Variants in VPS39 observed in about 807,000 individuals in gnomAD.
VPS39 encodes vam6/Vps39-like protein.
In VPS39, 70 loss-of-function variants were observed where a neutral mutation model predicts 121.0. The observed-to-expected ratio is 0.58, with a 90% CI of 0.48 to 0.71. The LOEUF (loss-of-function observed/expected upper bound fraction) is 0.71, where lower values mean the gene tolerates loss of function less well. Ranked by LOEUF, VPS39 falls within the 30% of genes least tolerant of loss-of-function variation. VPS39 has a pLI of 0.00. For synonymous variants in VPS39, 378 were observed against 398.1 expected (o/e 0.95, Z 0.60); for missense variants, 818 against 1,051.5 (o/e 0.78, Z 3.07).
At chr15:42,166,389 C>A (rs2049242850) in intron 15 of VPS39, among the ~76,000 whole-genome samples, 157 bp from the exon 16 acceptor site, 2 of 152,210 alleles carry the variant, frequency 1.3e-5, no homozygotes, top group Non-Finnish European at 2.9e-5. Flanking sequence ...TGGCTCCATA[C>A]CAGGGGGCTG....
In VPS39 at chr15:42,189,819, T is replaced by TC. The variant is rs1555400899; in HGVS notation, c.248-612_248-611insG. ...CTTTTTTTTTTTTTTTTTTTTTTTT[T>TC]TGAGGCACGGTCTCACTCTGTTGCC... On this transcript the variant is annotated intron_variant, in intron 4 of 24. Coordinates refer to ENST00000318006, the MANE Select transcript of VPS39 (RefSeq NM_015289.5). Among the ~76,000 whole-genome samples, 110 of 82,796 alleles carry TC rather than the reference T, an allele frequency of 1.3e-3. 4 individuals carry two copies. The highest frequency in any genetic ancestry group is 3.9e-3 in the African/African-American group (97 of 24,866). 54.3% of individuals were successfully genotyped at this position (82,796 alleles called of 152,430 possible).
In VPS39 at chr15:42,178,579, G is replaced by A. The variant is rs761669317; in HGVS notation, c.719-9C>T. On this transcript the variant is annotated splice_polypyrimidine_tract_variant and intron_variant, in intron 8 of 24. Coordinates refer to ENST00000318006, the MANE Select transcript of VPS39 (RefSeq NM_015289.5). ...GTAGGGAGGCTGGTGCTCTGTGAAAGAGAACATACACAGCAGTTGTTCCGG... is the reference window on the plus strand; with the variant it reads ...GTAGGGAGGCTGGTGCTCTGTGAAAAAGAACATACACAGCAGTTGTTCCGG... The A allele has an allele frequency of 6.2e-7, 1 of 1,614,072 alleles. No individual in the cohort carries two copies. Among genetic ancestry groups the A allele is most frequent in the Admixed American group, 1.7e-5 (1 of 60,028 alleles).
Position 42,208,216 on chromosome 15 carries a change from C to G in VPS39, c.-63G>C, listed in dbSNP as rs1261538929. ...GAGTGTTCCGGGCCGGGCTGGGGTCCGGAACGAGTCTGGGCTAAGGGTAGA... is the reference window on the plus strand; with the variant it reads ...GAGTGTTCCGGGCCGGGCTGGGGTCGGGAACGAGTCTGGGCTAAGGGTAGA... On this transcript the variant is annotated 5_prime_UTR_variant, in exon 1 of 25. Coordinates refer to ENST00000318006, the MANE Select transcript of VPS39 (RefSeq NM_015289.5). The G allele has an allele frequency of 1.9e-6, 3 of 1,548,224 alleles. No individual in the cohort carries two copies. In the African/African-American group the frequency reaches 4.1e-5, roughly 21 times the overall value.
At chr15:42,167,666 T>C in intron 12 of VPS39, 129 bp from the exon 13 acceptor site, 1 of 1,190,576 alleles carries the variant, frequency 8.4e-7, no homozygotes, top group South Asian at 1.6e-5. Flanking sequence ...GCATTCGATT[T>C]TTAGCACTGC....
rs2049767426 is a variant in VPS39, at chr15:42,189,113, C to A, written c.342+1G>T. On this transcript the variant is annotated splice_donor_variant, in intron 5 of 24. Transcript: ENST00000318006. LOFTEE classifies it high-confidence loss of function. The stretch of plus-strand genomic sequence containing the variant: ...CCAAATTTCATCTTGGGTAAACTTA[C>A]CTGGAGGTCACAAGTAAACAGTGAT... 6.2e-7 allele frequency: 1 copy of A among 1,612,902 alleles called. No individual in the cohort carries two copies. The highest frequency in any genetic ancestry group is 8.5e-7 in the Non-Finnish European group (1 of 1,178,968).
Position 42,191,112 on chromosome 15 carries a change from C to T in VPS39, c.247+13G>A. 2 of 1,613,750 alleles carry T rather than the reference C, an allele frequency of 1.2e-6. No homozygotes were observed. The highest frequency in any genetic ancestry group is 2.2e-5 in the East Asian group (1 of 44,872). On this transcript the variant is annotated intron_variant, in intron 4 of 24. Coordinates refer to ENST00000318006, the MANE Select transcript of VPS39 (RefSeq NM_015289.5). Reference sequence around the variant, plus strand: ...TGTTAGACACAGGATACAAATGCAACTCCTTTTCTTACCTAACAAGCTGAC... The same window carrying T: ...TGTTAGACACAGGATACAAATGCAATTCCTTTTCTTACCTAACAAGCTGAC...
At chr15:42,201,567 A>T (rs2050070053) in intron 1 of VPS39, among the ~76,000 whole-genome samples, 1 of 152,200 alleles carries the variant, frequency 6.6e-6, no homozygotes, top group Non-Finnish European at 1.5e-5. Context: ...ACAGAATGCT[A>T]GGCTCTACCC....
intron 2 of VPS39, among the ~76,000 whole-genome samples, chr15:42,199,265 C>A (rs141487884): frequency 6.6e-6 from 1 of 152,292 alleles, no homozygotes; most frequent in Non-Finnish European, 1.5e-5. Flanking sequence ...GAATACATTT[C>A]AAATACTTTA....
chr15:42,185,270 C>T (rs567609990), intron 7 of VPS39, among the ~76,000 whole-genome samples: 2 of 151,952 alleles, frequency 1.3e-5, no homozygotes, highest in East Asian at 3.9e-4. Context: ...CCTCCGCCTC[C>T]TGGGTTCAAA....
Position 42,164,347 on chromosome 15 carries a change from C to T in VPS39, c.2026+11G>A. ...GCTGAAGTGGCTTCTGGCCCTAAGCCAGACACTCACCATCAAAGGGAAAAT... is the reference window on the plus strand; with the variant it reads ...GCTGAAGTGGCTTCTGGCCCTAAGCTAGACACTCACCATCAAAGGGAAAAT... On this transcript the variant is annotated intron_variant, in intron 19 of 24. Transcript: ENST00000318006. 1 of 1,613,990 alleles carries T rather than the reference C, an allele frequency of 6.2e-7. No individual in the cohort carries two copies. The highest frequency in any genetic ancestry group is 1.7e-4 in the Middle Eastern group (1 of 6,056).
chr15:42,166,317 A>G, intron 15 of VPS39, 85 bp from the exon 16 acceptor site: 1 of 1,416,394 alleles, frequency 7.1e-7, no homozygotes, highest in African/African-American at 1.4e-5. Flanking sequence ...TTGCCCCAGA[A>G]TTCATTTTCC....
chr15:42,160,830 C>A lies in VPS39; in HGVS notation c.2553-1G>T, dbSNP rs1194510312. ...TCCATTGGGGTATCTTGCAAATGCACTGCAGGGAAGAAAATGGCTTGGGAG... is the reference window on the plus strand; with the variant it reads ...TCCATTGGGGTATCTTGCAAATGCAATGCAGGGAAGAAAATGGCTTGGGAG... On this transcript the variant is annotated splice_acceptor_variant, in intron 24 of 24. Coordinates refer to ENST00000318006, the MANE Select transcript of VPS39 (RefSeq NM_015289.5). LOFTEE classifies it high-confidence loss of function. 11 of 1,614,066 alleles carry A rather than the reference C, an allele frequency of 6.8e-6. No homozygotes were observed. Among genetic ancestry groups the A allele is most frequent in the East Asian group, 2.2e-5 (1 of 44,886 alleles).
chr15:42,179,327 T>C (rs991083386), intron 8 of VPS39, among the ~76,000 whole-genome samples: 5 of 151,680 alleles, frequency 3.3e-5, no homozygotes, highest in Non-Finnish European at 5.9e-5. Flanking sequence ...CCTAGCACTT[T>C]GGGAGGCTGA....
At chr15:42,203,148 T>C (rs2140893517) in intron 1 of VPS39, among the ~76,000 whole-genome samples, 1 of 152,020 alleles carries the variant, frequency 6.6e-6, no homozygotes, top group South Asian at 2.1e-4. Flanking sequence ...CTGGCCAACA[T>C]GGTGAAACCC....
intron 1 of VPS39, among the ~76,000 whole-genome samples, chr15:42,201,605 A>C (rs943238044): frequency 1.3e-5 from 2 of 152,230 alleles, no homozygotes; most frequent in African/African-American, 4.8e-5. Context: ...TAGGTTTAAA[A>C]GTAGGCCCAG....
intron 7 of VPS39, among the ~76,000 whole-genome samples, chr15:42,185,992 G>T (rs2049692386): frequency 6.6e-6 from 1 of 152,206 alleles, no homozygotes; most frequent in African/African-American, 2.4e-5. Flanking sequence ...CTTTTGCTCA[G>T]TTCCCTTATT....
intron 7 of VPS39, among the ~76,000 whole-genome samples, chr15:42,184,928 C>T (rs2140869900): frequency 6.6e-6 from 1 of 152,336 alleles, no homozygotes; most frequent in South Asian, 2.1e-4. Flanking sequence ...CAGGTGCTGG[C>T]AAGAATGCAG....
Position 42,160,599 on chromosome 15 carries a change from A to C in VPS39, c.*155T>G. The C allele has an allele frequency of 1.5e-6, 1 of 683,320 alleles. No homozygotes were observed. 42.3% of individuals were successfully genotyped at this position (683,320 alleles called of 1,614,324 possible). A position where few individuals can be genotyped will look rare whatever the true frequency, so the allele number is the denominator to read the frequency against. On this transcript the variant is annotated 3_prime_UTR_variant, in exon 25 of 25. Coordinates refer to ENST00000318006, the MANE Select transcript of VPS39 (RefSeq NM_015289.5). Reference sequence around the variant, plus strand: ...GCTGGCAATGCCAGACCATGAGTCTAATTAATTCAGAGTTGTTCCAGGGCA... The same window carrying C: ...GCTGGCAATGCCAGACCATGAGTCTCATTAATTCAGAGTTGTTCCAGGGCA...
At chr15:42,163,502 G>A in intron 20 of VPS39, 107 bp from the exon 21 acceptor site, 1 of 1,556,390 alleles carries the variant, frequency 6.4e-7, no homozygotes, top group Admixed American at 1.7e-5. Context: ...CAAAACTGCG[G>A]GCCAGGACGG....
Sources: allele counts gnomAD v4.1 joint callset (sites outside exome capture counted in the v4.1 genomes callset), GRCh38; gene constraint gnomAD v4.1.1; transcripts MANE v1.5; gene names NCBI Gene and HGNC (gene_info 2026-07-23, HGNC 2026-07-21).